Variants in CELF2 observed in about 807,000 individuals in gnomAD.
The protein encoded by CELF2 is CUG triplet repeat RNA-binding protein 2.
In CELF2, 8 loss-of-function variants were observed where a neutral mutation model predicts 62.6. The ratio of observed to expected loss-of-function variants is 0.13; its 90% CI spans 0.07 to 0.23. The LOEUF (loss-of-function observed/expected upper bound fraction) is 0.23, where lower values mean the gene tolerates loss of function less well. CELF2 is among the 10% of genes least tolerant of loss of function. CELF2 has a pLI of 1.00. For synonymous variants in CELF2, 258 were observed against 250.0 expected, an observed-to-expected ratio of 1.03 and a Z score of -0.30; for missense variants, 333 against 671.0, an observed-to-expected ratio of 0.50 and a Z score of 5.56.
At chr10:11,160,190 AT>A (rs2065384755) in intron 1 of CELF2, among the ~76,000 whole-genome samples, 2 of 152,372 alleles carry the variant, frequency 1.3e-5, no homozygotes, top group South Asian at 2.1e-4. Context: ...GATTATAGAA[AT>A]TAAGAGCCAG....
At chr10:10,921,120 A>G (rs1053971066) in intron 2 of CELF2, among the ~76,000 whole-genome samples, 2 of 151,628 alleles carry the variant, frequency 1.3e-5, no homozygotes, top group Non-Finnish European at 2.9e-5. Flanking sequence ...ATGCCCGGCT[A>G]ATTTTTGTAT....
intron 1 of CELF2, among the ~76,000 whole-genome samples, chr10:11,093,960 C>T (rs375166193): frequency 1.3e-5 from 2 of 152,148 alleles, no homozygotes; most frequent in South Asian, 4.1e-4. Flanking sequence ...AGCCACTTAA[C>T]AATTGGTTAC....
intron 1 of CELF2, chr10:11,092,498 G>C (rs952183624): frequency 6.6e-6 from 1 of 152,160 alleles, no homozygotes; most frequent in African/African-American, 2.4e-5. Flanking sequence ...TTAACGTTAC[G>C]TGGGCGCCTT....
the CELF2 span, among the ~76,000 whole-genome samples, chr10:10,734,092 A>AT: frequency 0.021 from 3,094 of 149,290 alleles, 50 homozygotes; most frequent in East Asian, 0.035. Context: ...CTACATGTTC[A>AT]TTTTTTTTTT....
intron 2 of CELF2, among the ~76,000 whole-genome samples, chr10:10,942,839 A>G (rs1364164638): frequency 6.6e-6 from 1 of 152,224 alleles, no homozygotes; most frequent in Non-Finnish European, 1.5e-5. Context: ...GATGTGGATT[A>G]ATACCTTGAG....
the CELF2 span, among the ~76,000 whole-genome samples, chr10:10,530,646 C>G: frequency 6.6e-6 from 1 of 152,166 alleles, no homozygotes; most frequent in Non-Finnish European, 1.5e-5. Context: ...CCTCTTTGCT[C>G]TTTCCTCTTT....
At chr10:11,190,884 G>A (rs910227625) in intron 2 of CELF2, among the ~76,000 whole-genome samples, 1 of 152,004 alleles carries the variant, frequency 6.6e-6, no homozygotes, top group Non-Finnish European at 1.5e-5. Context: ...GGTTGGCCAG[G>A]GGCTGGAGCA....
At chr10:11,083,767 A>G (rs1182455357) in intron 1 of CELF2, among the ~76,000 whole-genome samples, 2 of 152,108 alleles carry the variant, frequency 1.3e-5, no homozygotes, top group Admixed American at 6.6e-5. Context: ...AAGCCAGTGA[A>G]CCTCTCCATA....
chr10:10,511,884 A>C, the CELF2 span, among the ~76,000 whole-genome samples: 1 of 152,208 alleles, frequency 6.6e-6, no homozygotes, highest in African/African-American at 2.4e-5. Flanking sequence ...TTGCACTCAT[A>C]GTCCCCCTTT....
upstream of CELF2, among the ~76,000 whole-genome samples, chr10:11,002,507 T>C (rs1357389633): frequency 6.6e-6 from 1 of 152,104 alleles, no homozygotes; most frequent in East Asian, 1.9e-4. The surrounding 1 kb of genome is among the most constrained non-coding windows in gnomAD (Gnocchi z 4.4). Context: ...GTGGGGGCAT[T>C]GGGTTGCATG....
chr10:11,042,062 G>T (rs1235086307), intron 1 of CELF2, among the ~76,000 whole-genome samples: 1 of 152,172 alleles, frequency 6.6e-6, no homozygotes, highest in African/African-American at 2.4e-5. Context: ...AACGATTTTT[G>T]CATGATCAAA....
At chr10:11,323,975 CTG>C (rs1344641514) in intron 11 of CELF2, among the ~76,000 whole-genome samples, 3 of 149,736 alleles carry the variant, frequency 2.0e-5, no homozygotes, top group Admixed American at 6.6e-5. Context: ...CAAAACCAAA[CTG>C]TTTCTTGGTG....
At chr10:10,669,915 T>G in the CELF2 span, among the ~76,000 whole-genome samples, 1 of 150,042 alleles carries the variant, frequency 6.7e-6, no homozygotes, top group East Asian at 2.0e-4. Context: ...TTTTTTTTTT[T>G]TTTTGAGACG....
At chr10:11,079,884 A>G (rs757352845) in intron 1 of CELF2, among the ~76,000 whole-genome samples, 13 of 152,138 alleles carry the variant, frequency 8.5e-5, no homozygotes, top group Non-Finnish European at 1.9e-4. Flanking sequence ...GTAGAGTGCA[A>G]ACAGCAATAG....
At chr10:10,675,502 CT>C in the CELF2 span, among the ~76,000 whole-genome samples, 7 of 152,034 alleles carry the variant, frequency 4.6e-5, no homozygotes, top group Non-Finnish European at 1.0e-4. Flanking sequence ...CTTCCTGGAT[CT>C]GTGGTTTGGT....
At chr10:10,820,911 C>A (rs1338773991) in intron 1 of CELF2, among the ~76,000 whole-genome samples, 1 of 152,170 alleles carries the variant, frequency 6.6e-6, no homozygotes, top group Admixed American at 6.5e-5. Context: ...TGAAGGGAAC[C>A]AGAGTGAATC....
chr10:10,738,630 T>C, the CELF2 span, among the ~76,000 whole-genome samples: 2 of 152,210 alleles, frequency 1.3e-5, no homozygotes, highest in African/African-American at 2.4e-5. Flanking sequence ...TTTTGAGCCA[T>C]TATCCTAGTC....
upstream of CELF2, among the ~76,000 whole-genome samples, chr10:10,798,230 C>G (rs1336985272): frequency 6.6e-6 from 1 of 152,142 alleles, no homozygotes; most frequent in African/African-American, 2.4e-5. Context: ...TAGCTCTAAG[C>G]CCAGTGTCAG....
intron 1 of CELF2, among the ~76,000 whole-genome samples, chr10:11,138,412 A>G (rs2060780813): frequency 6.6e-6 from 1 of 152,102 alleles, no homozygotes. Context: ...CAGCACAGAG[A>G]GCTTCTGAGT....
Sources: allele counts gnomAD v4.1 joint callset (sites outside exome capture counted in the v4.1 genomes callset), GRCh38; gene constraint gnomAD v4.1.1; non-coding constraint Gnocchi (gnomAD v3.1); transcripts MANE v1.5; gene names NCBI Gene and HGNC (gene_info 2026-07-23, HGNC 2026-07-21).